Variants in ERBB4 observed in about 807,000 individuals in gnomAD.
The protein encoded by ERBB4 is receptor tyrosine-protein kinase erbB-4.
A neutral mutation model predicts 158.0 loss-of-function variants in ERBB4; 42 were observed. The observed-to-expected ratio is 0.27, with a 90% confidence interval of 0.21 to 0.34. The LOEUF (loss-of-function observed/expected upper bound fraction) is 0.34, where lower values mean the gene tolerates loss of function less well. ERBB4 is among the 10% of genes least tolerant of loss of function. The probability of loss-of-function intolerance (pLI) is 1.00; values close to 1 mark genes in which losing one functional copy is unlikely to be tolerated. For missense variants in ERBB4, 1,333 were observed against 1,624.1 expected, an observed-to-expected ratio of 0.82 and a Z score of 3.08; for synonymous variants, 583 against 558.7, an observed-to-expected ratio of 1.04 and a Z score of -0.61.
chr2:211,583,257 C>A (rs2068157027), intron 19 of ERBB4, among the ~76,000 whole-genome samples: 1 of 151,902 alleles, frequency 6.6e-6, no homozygotes, highest in African/African-American at 2.4e-5. Context: ...ACATTTCATA[C>A]TACATGACAT....
At chr2:211,394,669 T>C (rs190358113) in intron 25 of ERBB4, among the ~76,000 whole-genome samples, 1 of 152,238 alleles carries the variant, frequency 6.6e-6, no homozygotes, top group Admixed American at 6.5e-5. Flanking sequence ...TTTCGATGTG[T>C]AAATTCTGGA....
intron 6 of ERBB4, among the ~76,000 whole-genome samples, chr2:211,724,175 T>G (rs559836493): frequency 1.3e-5 from 2 of 152,190 alleles, no homozygotes; most frequent in South Asian, 2.1e-4. Flanking sequence ...TTAACATTTT[T>G]ATTTCCTTTT....
chr2:212,215,328 T>C (rs1040414006), intron 1 of ERBB4, among the ~76,000 whole-genome samples: 3 of 151,510 alleles, frequency 2.0e-5, no homozygotes, highest in African/African-American at 7.3e-5. Context: ...CACTATATAA[T>C]TATGTACATT....
intron 5 of ERBB4, among the ~76,000 whole-genome samples, chr2:211,746,965 A>G (rs989854887): frequency 2.6e-5 from 4 of 152,054 alleles, no homozygotes; most frequent in African/African-American, 9.7e-5. Context: ...AAAAATTGTT[A>G]TTCTTTCTTT....
At chr2:212,334,143 TTGA>T (rs1371396837) in intron 1 of ERBB4, among the ~76,000 whole-genome samples, 1 of 152,070 alleles carries the variant, frequency 6.6e-6, no homozygotes, top group Non-Finnish European at 1.5e-5. Flanking sequence ...TCTAAGTGAA[TTGA>T]TGATAATGTT....
At chr2:211,792,435 A>G (rs1234848515) in intron 3 of ERBB4, among the ~76,000 whole-genome samples, 1 of 151,830 alleles carries the variant, frequency 6.6e-6, no homozygotes, top group East Asian at 1.9e-4. Flanking sequence ...AATAGCATTT[A>G]TTATATAAAA....
chr2:212,438,925 T>C lies in ERBB4; in HGVS notation c.82+99524A>G, dbSNP rs182133912. On this transcript the variant is annotated intron_variant, in intron 1 of 27. Transcript: ENST00000342788. ...AACAGGGAATCCAGAAACAGATTTA[T>C]GTATTTATGTGAATTAAACATGATA... Among the ~76,000 whole-genome samples the C allele has an allele frequency of 4.7e-4, 71 of 152,246 alleles. 3 individuals carry two copies. The East Asian group carries it at 0.012, about 25-fold the overall frequency.
intron 2 of ERBB4, among the ~76,000 whole-genome samples, chr2:211,982,432 A>G (rs2081827506): frequency 6.6e-6 from 1 of 152,224 alleles, no homozygotes; most frequent in Admixed American, 6.5e-5. Context: ...AAAGGGGATA[A>G]CAAGTGTTAA....
intron 12 of ERBB4, among the ~76,000 whole-genome samples, chr2:211,681,271 G>C (rs1199374341): frequency 6.6e-6 from 1 of 152,066 alleles, no homozygotes. Flanking sequence ...CAGACATTTA[G>C]ACTGTTCCAT....
chr2:211,409,681 A>AACTT (rs1438904526), intron 25 of ERBB4, among the ~76,000 whole-genome samples: 1 of 152,112 alleles, frequency 6.6e-6, no homozygotes, highest in Non-Finnish European at 1.5e-5. Flanking sequence ...AATCTCACTA[A>AACTT]ACTTAAAGTC....
chr2:212,059,197 T>G (rs1052549082), intron 2 of ERBB4, among the ~76,000 whole-genome samples: 1 of 151,994 alleles, frequency 6.6e-6, no homozygotes, highest in Non-Finnish European at 1.5e-5. Flanking sequence ...CACAATTGCT[T>G]CAAAGAGAAT....
intron 1 of ERBB4, among the ~76,000 whole-genome samples, chr2:212,126,217 A>C (rs970545738): frequency 1.3e-5 from 2 of 152,184 alleles, no homozygotes; most frequent in Middle Eastern, 3.4e-3. Flanking sequence ...TTATCGCAGC[A>C]CTTTGGGAGG....
At chr2:211,741,666 C>G (rs1474768784) in intron 5 of ERBB4, among the ~76,000 whole-genome samples, 1 of 152,106 alleles carries the variant, frequency 6.6e-6, no homozygotes, top group Non-Finnish European at 1.5e-5. Flanking sequence ...CACAGTATGG[C>G]CACAGAACAG....
Position 211,691,092 on chromosome 2 carries a change from T to C in ERBB4, c.1489+10875A>G, listed in dbSNP as rs78854793. On this transcript the variant is annotated intron_variant, in intron 12 of 27. Transcript: ENST00000342788. ...AAGTAAACAGATTATTTCAAAAATA[T>C]TGAAATGTATTTGGACAGGTATTGT... is the stretch of plus-strand genomic sequence containing the variant. Among the ~76,000 whole-genome samples, 984 of 152,278 alleles carry C rather than the reference T, an allele frequency of 6.5e-3. 12 individuals carry two copies. The highest frequency in any genetic ancestry group is 0.022 in the African/African-American group (930 of 41,556).
At chr2:211,540,508 GT>G (rs1299571690) in intron 20 of ERBB4, among the ~76,000 whole-genome samples, 1 of 151,544 alleles carries the variant, frequency 6.6e-6, no homozygotes, top group Non-Finnish European at 1.5e-5. Flanking sequence ...TTAAGCTGAG[GT>G]TTTTTTGTTT....
Position 211,383,669 on chromosome 2 carries a change from C to A in ERBB4, c.3873G>T (p.Lys1291Asn), listed in dbSNP as rs2062618527. 6.2e-7 allele frequency: 1 copy of A among 1,613,948 alleles called. No individual in the cohort carries two copies. Among genetic ancestry groups the A allele is most frequent in the East Asian group, 2.2e-5 (1 of 44,876 alleles). ...GTGGAGGCGGCAGCACAGTGCCTGG[C>A]TTCAGGGAGAACTCAGAGAGGTATT... is the stretch of plus-strand genomic sequence containing the variant. ...NPEYLSEFSL[K>N]PGTVLPPPPY... The change falls in exon 28 of 28, where the codon AAG (lysine) becomes AAT (asparagine). Residue 1291 changes from lysine (K) to asparagine (N), a missense_variant. Transcript: ENST00000342788.
At chr2:211,737,839 C>T (rs1333790391) in intron 5 of ERBB4, among the ~76,000 whole-genome samples, 1 of 151,970 alleles carries the variant, frequency 6.6e-6, no homozygotes, top group Admixed American at 6.6e-5. Flanking sequence ...AATATTATAT[C>T]ATTAACTGTC....
intron 12 of ERBB4, among the ~76,000 whole-genome samples, chr2:211,680,519 G>C (rs374151741): frequency 1.8e-4 from 27 of 152,126 alleles, no homozygotes; most frequent in Non-Finnish European, 3.1e-4. Flanking sequence ...GAACATTTGC[G>C]AGGTGGGTTG....
At chr2:212,107,404 T>C (rs2079263808) in intron 2 of ERBB4, among the ~76,000 whole-genome samples, 1 of 152,166 alleles carries the variant, frequency 6.6e-6, no homozygotes, top group African/African-American at 2.4e-5. Context: ...TTTTGGGCAA[T>C]TTCTCCCATT....
Sources: gnomAD v4.1 joint callset for allele counts (sites outside exome capture counted in the v4.1 genomes callset) on GRCh38, gnomAD v4.1.1 for gene constraint, MANE v1.5 for transcripts, NCBI Gene and HGNC (gene_info 2026-07-23, HGNC 2026-07-21) for gene names.